IGSF3: variants seen among roughly 807,000 people sequenced by gnomAD.
IGSF3 encodes immunoglobulin superfamily member 3.
A neutral mutation model predicts 114.4 loss-of-function variants in IGSF3; 23 were observed. That is an observed-to-expected ratio of 0.20 (90% CI 0.14 to 0.28). The LOEUF is 0.28. Ranked by LOEUF, IGSF3 falls within the 10% of genes least tolerant of loss-of-function variation. The pLI is 1.00. For synonymous variants in IGSF3, 571 were observed against 645.2 expected, an observed-to-expected ratio of 0.88 and a Z score of 1.74; for missense variants, 1,172 against 1,591.5, an observed-to-expected ratio of 0.74 and a Z score of 4.48.
At chr1:116,613,208 G>GTAAT (rs1661090046) in intron 4 of IGSF3, among the ~76,000 whole-genome samples, 1 of 152,186 alleles carries the variant, frequency 6.6e-6, no homozygotes, top group Non-Finnish European at 1.5e-5. Context: ...GGATGGTGAA[G>GTAAT]TAATATGTGA....
In IGSF3 at chr1:116,607,085, G is replaced by A. The variant is rs990319049; in HGVS notation, c.1222+857C>T. Among the ~76,000 whole-genome samples, 1 of 152,190 alleles carries A rather than the reference G, an allele frequency of 6.6e-6. No homozygotes were observed. The highest frequency in any genetic ancestry group is 2.4e-5 in the African/African-American group (1 of 41,442). On this transcript the variant is annotated intron_variant, in intron 5 of 10. Coordinates refer to ENST00000369486, the MANE Select transcript of IGSF3 (RefSeq NM_001007237.3). The surrounding 1 kb of genome is among the most constrained non-coding windows in gnomAD (Gnocchi z 6.1). ...TATTACAAGGCTCAGAGAAAGAATA[G>A]TTTGAGCAGCTGAGACAAGGTTAAA...
Position 116,649,874 on chromosome 1 carries a change from T to G in IGSF3, c.43+16410A>C, listed in dbSNP as rs1648558474. On this transcript the variant is annotated intron_variant, in intron 2 of 10. Coordinates refer to ENST00000369486, the MANE Select transcript of IGSF3 (RefSeq NM_001007237.3). The surrounding 1 kb of genome is among the most constrained non-coding windows in gnomAD (Gnocchi z 4.5). The stretch of plus-strand genomic sequence containing the variant: ...CCGTGGAATTAGTCAGGACATAATC[T>G]CCCTGTTTTTTGGCAGCGCCACATC... 6.6e-6 allele frequency among the ~76,000 whole-genome samples: 1 copy of G among 152,126 alleles called. No individual in the cohort carries two copies. The highest frequency in any genetic ancestry group is 2.4e-5 in the African/African-American group (1 of 41,404).
rs1343992552 is a variant in IGSF3, at chr1:116,632,513, A to C, written c.44-16056T>G. On this transcript the variant is annotated intron_variant, in intron 2 of 10. Transcript: ENST00000369486. The surrounding 1 kb of genome is among the most constrained non-coding windows in gnomAD (Gnocchi z 5.1). ...ATACTGAATGAGAAGCCTCGCAGGC[A>C]GAGAAGAAAGCAAACCTGGAAGGCA... Among the ~76,000 whole-genome samples the C allele has an allele frequency of 6.6e-6, 1 of 152,254 alleles. No individual in the cohort carries two copies.
In IGSF3 at chr1:116,633,388, TC is replaced by T; in HGVS notation, c.44-16932del. 6.6e-6 allele frequency among the ~76,000 whole-genome samples: 1 copy of T among 152,338 alleles called. No homozygotes were observed. The highest frequency in any genetic ancestry group is 1.5e-5 in the Non-Finnish European group (1 of 68,026). The stretch of plus-strand genomic sequence containing the variant: ...CCTTACATAATCTTTTAACTTTTTC[TC>T]TAAGGCTGATTCCCTATAAGCAAAA... On this transcript the variant is annotated intron_variant, in intron 2 of 10. Coordinates refer to ENST00000369486, the MANE Select transcript of IGSF3 (RefSeq NM_001007237.3). This position sits in a 1 kb window ranked among gnomAD's most constrained non-coding sequence, Gnocchi z 4.3.
rs757182414 is a variant in IGSF3, at chr1:116,646,341, TG to T, written c.43+19942del. ...TATTTTTAGGAGGAAGATGGAGAAT[TG>T]GGGGGGGTCCACACAAAGAGGATGG... On this transcript the variant is annotated intron_variant, in intron 2 of 10. Coordinates refer to ENST00000369486, the MANE Select transcript of IGSF3 (RefSeq NM_001007237.3). 2.6e-4 allele frequency among the ~76,000 whole-genome samples: 39 copies of T among 151,616 alleles called. No homozygotes were observed. The East Asian group carries it at 3.3e-3, about 13-fold the overall frequency.
At position 116,622,542 on chromosome 1, in the gene IGSF3, G is replaced by A. The variant is rs1448063646; in HGVS notation, c.44-6085C>T. On this transcript the variant is annotated intron_variant, in intron 2 of 10. Coordinates refer to ENST00000369486, the MANE Select transcript of IGSF3 (RefSeq NM_001007237.3). ...ATACTGGGCTGAATCGCTGAATGGT[G>A]AGAATTTGAGTGATTTTCTCCTCTC... 4.0e-5 allele frequency among the ~76,000 whole-genome samples: 6 copies of A among 151,584 alleles called. 1 individual carries two copies. Among genetic ancestry groups the A allele is most frequent in the Admixed American group, 3.3e-4 (5 of 15,206 alleles).
In IGSF3 at chr1:116,636,317, G is replaced by A. The variant is rs1382206360; in HGVS notation, c.44-19860C>T. Among the ~76,000 whole-genome samples, 3 of 152,000 alleles carry A rather than the reference G, an allele frequency of 2.0e-5. No homozygotes were observed. The highest frequency in any genetic ancestry group is 1.3e-4 in the Admixed American group (2 of 15,268). On this transcript the variant is annotated intron_variant, in intron 2 of 10. Coordinates refer to ENST00000369486, the MANE Select transcript of IGSF3 (RefSeq NM_001007237.3). This position sits in a 1 kb window ranked among gnomAD's most constrained non-coding sequence, Gnocchi z 4.5. ...GAGTTGGCCCTATCTCCCCTTTTTG[G>A]CCTCAAGCACATCACGAGGAAGGCT... is the stretch of plus-strand genomic sequence containing the variant.
At chr1:116,652,272 T>C (rs1648662403) in intron 2 of IGSF3, among the ~76,000 whole-genome samples, 1 of 152,224 alleles carries the variant, frequency 6.6e-6, no homozygotes, top group African/African-American at 2.4e-5. Flanking sequence ...ACATAAACAA[T>C]TGGTGCACTA....
intron 2 of IGSF3, among the ~76,000 whole-genome samples, chr1:116,658,347 G>A (rs1487674997): frequency 2.0e-5 from 3 of 152,044 alleles, no homozygotes; most frequent in African/African-American, 7.2e-5. Context: ...GCCTGATTAT[G>A]TTTTGATGGA....
intron 8 of IGSF3, among the ~76,000 whole-genome samples, chr1:116,586,608 C>T (rs200017352): frequency 6.6e-6 from 1 of 152,110 alleles, no homozygotes; most frequent in East Asian, 1.9e-4. Flanking sequence ...GAGGGGGGTC[C>T]TTCTAGTCCT....
rs1427017749 is a variant in IGSF3 at position 116,614,747 on chromosome 1, C to T, written c.422-572G>A. Among the ~76,000 whole-genome samples, 1 of 151,994 alleles carries T rather than the reference C, an allele frequency of 6.6e-6. No individual in the cohort carries two copies. The highest frequency in any genetic ancestry group is 1.5e-5 in the Non-Finnish European group (1 of 67,996). On this transcript the variant is annotated intron_variant, in intron 3 of 10. Coordinates refer to ENST00000369486, the MANE Select transcript of IGSF3 (RefSeq NM_001007237.3). This position sits in a 1 kb window ranked among gnomAD's most constrained non-coding sequence, Gnocchi z 4.5. ...CCCTATTTTTAGTGGGTTTAATTTT[C>T]GCATAATTCATCGATCAAAGGGGTC... is the stretch of plus-strand genomic sequence containing the variant.
chr1:116,610,303 G>C lies in IGSF3; in HGVS notation c.833-1972C>G, dbSNP rs1660966867. Among the ~76,000 whole-genome samples, 1 of 152,196 alleles carries C rather than the reference G, an allele frequency of 6.6e-6. No individual in the cohort carries two copies. Among genetic ancestry groups the C allele is most frequent in the South Asian group, 2.1e-4 (1 of 4,822 alleles). ...GACCTCAGACCTTTCCGTTGCTCCA[G>C]GTTAGCCTGGCTGTAACTCTGGCTT... On this transcript the variant is annotated intron_variant, in intron 4 of 10. Transcript: ENST00000369486. This position sits in a 1 kb window ranked among gnomAD's most constrained non-coding sequence, Gnocchi z 4.3.
At chr1:116,587,194 G>C (rs187323801) in intron 8 of IGSF3, among the ~76,000 whole-genome samples, 14 of 152,258 alleles carry the variant, frequency 9.2e-5, no homozygotes, top group African/African-American at 3.4e-4. Flanking sequence ...TAGTAGAAGA[G>C]ATAGAAAACA....
In IGSF3 at chr1:116,610,156, C is replaced by T. The variant is rs933993136; in HGVS notation, c.833-1825G>A. Among the ~76,000 whole-genome samples the T allele has an allele frequency of 5.9e-5, 9 of 152,196 alleles. No homozygotes were observed. Among genetic ancestry groups the T allele is most frequent in the Non-Finnish European group, 1.0e-4 (7 of 68,038 alleles). ...GAACACACCCATATGGGACAGTCCC[C>T]GTGTTATCTGCTGGATATTATCTCT... On this transcript the variant is annotated intron_variant, in intron 4 of 10. Transcript: ENST00000369486. The surrounding 1 kb of genome is among the most constrained non-coding windows in gnomAD (Gnocchi z 4.3).
chr1:116,641,626 G>C (rs905370055), intron 2 of IGSF3, among the ~76,000 whole-genome samples: 5 of 151,578 alleles, frequency 3.3e-5, no homozygotes, highest in African/African-American at 1.2e-4. Flanking sequence ...ATCCAAAGAA[G>C]AGCACTGATC....
At chr1:116,599,421 A>ACACAC (rs1324496523) in intron 7 of IGSF3, among the ~76,000 whole-genome samples, 1 of 128,470 alleles carries the variant, frequency 7.8e-6, no homozygotes, top group African/African-American at 3.4e-5. Context: ...CACACACACA[A>ACACAC]ACACACAGGT....
Position 116,608,136 on chromosome 1 carries a change from C to T in IGSF3, c.1028G>A (p.Arg343Gln), listed in dbSNP as rs149416047. The change falls in exon 5 of 11, where the codon CGG becomes CAG. Residue 343 changes from arginine to glutamine, a missense_variant. By Grantham distance (43) the Arg-to-Gln change is conservative. Transcript: ENST00000369486. Reference protein sequence around the residue: ...VPVLNSEFAHREARGQLKVAK... With the variant: ...VPVLNSEFAHQEARGQLKVAK... ...CACCTTAAGCTGTCCCCTGGCTTCC[C>T]GGTGAGCAAATTCGCTGTTGAGGAC... is the stretch of plus-strand genomic sequence containing the variant. The T allele has an allele frequency of 8.7e-6, 14 of 1,613,900 alleles. No individual in the cohort carries two copies. Among genetic ancestry groups the T allele is most frequent in the East Asian group, 2.2e-5 (1 of 44,882 alleles).
At chr1:116,601,842 C>T (rs1660604036) in intron 6 of IGSF3, among the ~76,000 whole-genome samples, 1 of 151,480 alleles carries the variant, frequency 6.6e-6, no homozygotes, top group African/African-American at 2.5e-5. Context: ...AGGACAGAAC[C>T]TCAGGGACAG....
In IGSF3 at chr1:116,644,548, G is replaced by A. The variant is rs1648250796; in HGVS notation, c.43+21736C>T. 6.6e-6 allele frequency among the ~76,000 whole-genome samples: 1 copy of A among 152,232 alleles called. No individual in the cohort carries two copies. Among genetic ancestry groups the A allele is most frequent in the Non-Finnish European group, 1.5e-5 (1 of 68,038 alleles). On this transcript the variant is annotated intron_variant, in intron 2 of 10. Transcript: ENST00000369486. This position sits in a 1 kb window ranked among gnomAD's most constrained non-coding sequence, Gnocchi z 5.6. ...GCATAGTAGGTGCCGTGAAAGCCAGGAAGCGAACTGCACAGAATGGACTGT... is the reference window on the plus strand; with the variant it reads ...GCATAGTAGGTGCCGTGAAAGCCAGAAAGCGAACTGCACAGAATGGACTGT...
Sources: gnomAD v4.1 joint callset for allele counts (sites outside exome capture counted in the v4.1 genomes callset) on GRCh38, gnomAD v4.1.1 for gene constraint, Gnocchi (gnomAD v3.1) non-coding constraint, MANE v1.5 for transcripts, NCBI Gene and HGNC (gene_info 2026-07-23, HGNC 2026-07-21) for gene names.